Variants in GLRB observed in about 807,000 individuals in gnomAD.
GLRB encodes the protein glycine receptor subunit beta.
A neutral mutation model predicts 54.2 loss-of-function variants in GLRB; 33 were observed. The ratio of observed to expected loss-of-function variants is 0.61; its 90% CI spans 0.46 to 0.81. GLRB has a LOEUF of 0.81. Among genes scored for constraint, GLRB ranks in the 40% least tolerant of loss-of-function variants. The probability of loss-of-function intolerance (pLI) is 0.00; values close to 1 mark genes in which losing one functional copy is unlikely to be tolerated. For synonymous variants in GLRB, 209 were observed against 208.2 expected (o/e 1.00, Z -0.03); for missense variants, 572 against 584.6 (o/e 0.98, Z 0.22).
intron 4 of GLRB, among the ~76,000 whole-genome samples, chr4:157,126,899 CT>C (rs1323027849): frequency 6.6e-6 from 1 of 151,840 alleles, no homozygotes; most frequent in African/African-American, 2.4e-5. Context: ...AATCTATTTT[CT>C]TTCTTTAGTT....
chr4:157,107,166 A>G (rs1735256833), intron 2 of GLRB, among the ~76,000 whole-genome samples: 1 of 151,994 alleles, frequency 6.6e-6, no homozygotes, highest in African/African-American at 2.4e-5. Context: ...CTGTCTTTTC[A>G]TCTCCCTCCC....
rs1734104205 is a variant in GLRB, at chr4:157,078,127, A to C, written c.103A>C (p.Lys35Gln). The change falls in exon 2 of 10, where the codon AAG becomes CAG. Residue 35 changes from lysine to glutamine, a missense_variant. By Grantham distance (53) the Lys-to-Gln change is moderately conservative. Coordinates refer to ENST00000264428, the MANE Select transcript of GLRB (RefSeq NM_000824.5). ...KSSKKGKGKK[K>Q]QYLCPSQQSA... is the part of the protein sequence containing the mutation. Reference sequence around the variant, plus strand: ...TTCAAAGAAAGGGAAGGGGAAAAAGAAGCAGTATCTATGCCCATCGTATGT... The same window carrying C: ...TTCAAAGAAAGGGAAGGGGAAAAAGCAGCAGTATCTATGCCCATCGTATGT... The C allele has an allele frequency of 6.2e-7, 1 of 1,612,432 alleles. No individual in the cohort carries two copies. The highest frequency in any genetic ancestry group is 8.5e-7 in the Non-Finnish European group (1 of 1,178,706).
chr4:157,090,741 G>A (rs1003145673), intron 2 of GLRB, among the ~76,000 whole-genome samples: 2 of 151,900 alleles, frequency 1.3e-5, no homozygotes, highest in African/African-American at 4.8e-5. Context: ...TGATTCTCTG[G>A]GTTTTGCATT....
chr4:157,110,661 G>A (rs559475005), intron 2 of GLRB, among the ~76,000 whole-genome samples: 14 of 151,932 alleles, frequency 9.2e-5, no homozygotes, highest in African/African-American at 3.4e-4. Flanking sequence ...TCCTTTGTTT[G>A]GATCATGTTT....
chr4:157,088,911 A>G (rs1356514954), intron 2 of GLRB, among the ~76,000 whole-genome samples: 3 of 152,052 alleles, frequency 2.0e-5, no homozygotes, highest in Non-Finnish European at 4.4e-5. Context: ...GTTAATTACT[A>G]TGTTTCTTCA....
rs548048286 is a variant in GLRB, at chr4:157,118,292, A to G, written c.123-2264A>G. Among the ~76,000 whole-genome samples, 5 of 151,832 alleles carry G rather than the reference A, an allele frequency of 3.3e-5. No individual in the cohort carries two copies. The South Asian group carries it at 1.0e-3, about 31-fold the overall frequency. ...TCCAATACAAGTGTATTTTGTAATC[A>G]ATCAATTCTTTTACTTCCTTTGAAT... On this transcript the variant is annotated intron_variant, in intron 2 of 9. Coordinates refer to ENST00000264428, the MANE Select transcript of GLRB (RefSeq NM_000824.5).
At chr4:157,160,166 G>T (rs929950433) in intron 9 of GLRB, among the ~76,000 whole-genome samples, 3 of 152,188 alleles carry the variant, frequency 2.0e-5, no homozygotes, top group African/African-American at 7.2e-5. Flanking sequence ...ATTTCTGCGG[G>T]ATCGGTGGTG....
chr4:157,103,024 G>A (rs1275880810), intron 2 of GLRB, among the ~76,000 whole-genome samples: 1 of 151,974 alleles, frequency 6.6e-6, no homozygotes, highest in Non-Finnish European at 1.5e-5. Flanking sequence ...GGGGATGCAC[G>A]CCTGTAGTCC....
At chr4:157,128,880 A>T (rs1045183082) in intron 4 of GLRB, among the ~76,000 whole-genome samples, 7 of 151,832 alleles carry the variant, frequency 4.6e-5, no homozygotes, top group African/African-American at 1.7e-4. Context: ...CTATTGACAG[A>T]ACTTTAATTA....
intron 4 of GLRB, among the ~76,000 whole-genome samples, chr4:157,129,529 A>G (rs987164761): frequency 6.6e-6 from 1 of 151,820 alleles, no homozygotes; most frequent in African/African-American, 2.4e-5. Context: ...TAAAAGATAC[A>G]TAAGCTTGCT....
intron 2 of GLRB, among the ~76,000 whole-genome samples, chr4:157,096,885 T>C (rs1315808565): frequency 6.6e-6 from 1 of 152,216 alleles, no homozygotes; most frequent in Non-Finnish European, 1.5e-5. Flanking sequence ...AAAAACTTTG[T>C]TATCCCAAGG....
intron 9 of GLRB, among the ~76,000 whole-genome samples, chr4:157,164,361 A>G (rs1737633440): frequency 6.6e-6 from 1 of 152,158 alleles, no homozygotes; most frequent in Non-Finnish European, 1.5e-5. Context: ...TGTTATGTGG[A>G]AGTGTTCTCT....
At chr4:157,087,914 G>A (rs1734470570) in intron 2 of GLRB, among the ~76,000 whole-genome samples, 1 of 152,066 alleles carries the variant, frequency 6.6e-6, no homozygotes. Flanking sequence ...GCTAAAGAGA[G>A]CTGAGGTCCC....
chr4:157,085,535 T>C (rs182648865), intron 2 of GLRB, among the ~76,000 whole-genome samples: 1 of 152,264 alleles, frequency 6.6e-6, no homozygotes, highest in East Asian at 1.9e-4. Flanking sequence ...CTCACTCTGT[T>C]AGCCAGGCTG....
chr4:157,135,099 A>G (rs935221197), intron 4 of GLRB, among the ~76,000 whole-genome samples: 4 of 152,094 alleles, frequency 2.6e-5, no homozygotes, highest in Non-Finnish European at 4.4e-5. Context: ...TTAAAAATTA[A>G]ATAAGGAATT....
intron 9 of GLRB, among the ~76,000 whole-genome samples, chr4:157,153,681 T>C (rs182632281): frequency 1.3e-3 from 197 of 152,298 alleles, no homozygotes; most frequent in Middle Eastern, 6.8e-3. Flanking sequence ...TGCCAGGCTG[T>C]GTAAAGGATT....
chr4:157,115,041 C>T (rs1243953842), intron 2 of GLRB, among the ~76,000 whole-genome samples: 1 of 151,774 alleles, frequency 6.6e-6, no homozygotes, highest in African/African-American at 2.4e-5. Flanking sequence ...AGAAGATCTA[C>T]ACCAATTATT....
intron 2 of GLRB, among the ~76,000 whole-genome samples, chr4:157,107,031 A>G (rs1368367599): frequency 1.3e-5 from 2 of 152,048 alleles, no homozygotes; most frequent in African/African-American, 2.4e-5. Context: ...TTATTATTGT[A>G]TCTGTTAGAG....
chr4:157,157,119 T>C (rs960181980), intron 9 of GLRB, among the ~76,000 whole-genome samples: 7 of 152,158 alleles, frequency 4.6e-5, no homozygotes, highest in African/African-American at 1.4e-4. Flanking sequence ...CCAATTGGTG[T>C]TGGTGAAAGT....
Sources: allele counts gnomAD v4.1 joint callset (sites outside exome capture counted in the v4.1 genomes callset), GRCh38; gene constraint gnomAD v4.1.1; transcripts MANE v1.5; gene names NCBI Gene and HGNC (gene_info 2026-07-23, HGNC 2026-07-21).